Variants in HS3ST4 observed in about 807,000 individuals in gnomAD.
HS3ST4 encodes the protein heparan sulfate-glucosamine 3-sulfotransferase 4.
Under a neutral mutation model 29.2 loss-of-function variants are expected in HS3ST4, and 17 were observed. The observed-to-expected ratio is 0.58, with a 90% CI of 0.40 to 0.87. The LOEUF (loss-of-function observed/expected upper bound fraction) is 0.87. HS3ST4 is among the 40% of genes least tolerant of loss of function. HS3ST4 has a pLI of 0.00. For synonymous variants in HS3ST4, 314 were observed against 285.7 expected (o/e 1.10, Z -1.00); for missense variants, 627 against 634.5 (o/e 0.99, Z 0.13).
intron 1 of HS3ST4, among the ~76,000 whole-genome samples, chr16:25,734,422 G>A (rs770660236): frequency 5.9e-5 from 9 of 152,136 alleles, no homozygotes; most frequent in Non-Finnish European, 1.3e-4. Flanking sequence ...GAGGCATTGC[G>A]TGAATGTGAG....
intron 1 of HS3ST4, among the ~76,000 whole-genome samples, chr16:26,079,526 T>A (rs1898702132): frequency 6.6e-6 from 1 of 152,248 alleles, no homozygotes; most frequent in Non-Finnish European, 1.5e-5. Context: ...TCAGGCACTT[T>A]GTATGCATTA....
intron 1 of HS3ST4, among the ~76,000 whole-genome samples, chr16:25,981,268 C>T (rs1455196902): frequency 1.3e-5 from 2 of 151,538 alleles, no homozygotes; most frequent in African/African-American, 4.9e-5. Flanking sequence ...ACCCAGGAGG[C>T]GGAGGTTGCA....
At chr16:26,017,051 C>T (rs1193980407) in intron 1 of HS3ST4, among the ~76,000 whole-genome samples, 1 of 152,236 alleles carries the variant, frequency 6.6e-6, no homozygotes, top group African/African-American at 2.4e-5. Context: ...ACAGCAGAGC[C>T]TCCTGCCAAC....
chr16:25,957,072 T>G (rs1016627007), intron 1 of HS3ST4, among the ~76,000 whole-genome samples: 1 of 146,688 alleles, frequency 6.8e-6, no homozygotes, highest in African/African-American at 2.5e-5. Context: ...GCTACTACAA[T>G]ATTTCAGTGG....
intron 1 of HS3ST4, among the ~76,000 whole-genome samples, chr16:25,920,633 C>T (rs551936718): frequency 1.5e-4 from 22 of 142,008 alleles, no homozygotes; most frequent in East Asian, 9.4e-4. Context: ...AACAGGATCT[C>T]GCTGTGTCAC....
intron 1 of HS3ST4, among the ~76,000 whole-genome samples, chr16:25,800,749 G>A (rs947880268): frequency 6.6e-6 from 1 of 152,046 alleles, no homozygotes; most frequent in African/African-American, 2.4e-5. Context: ...TTTAGGAGGT[G>A]ATTAAGTGAT....
chr16:26,124,530 A>G (rs192623180), intron 1 of HS3ST4, among the ~76,000 whole-genome samples: 2 of 152,354 alleles, frequency 1.3e-5, no homozygotes, highest in East Asian at 3.9e-4. Context: ...ACGTAGTACA[A>G]GAGAACAATG....
chr16:25,818,818 CT>C (rs980297776), intron 1 of HS3ST4, among the ~76,000 whole-genome samples: 20 of 150,172 alleles, frequency 1.3e-4, no homozygotes, highest in East Asian at 3.9e-4. Flanking sequence ...TTTATTCCCA[CT>C]TTTTTTTTTC....
chr16:25,860,856 A>G (rs1422205437), intron 1 of HS3ST4, among the ~76,000 whole-genome samples: 2 of 152,122 alleles, frequency 1.3e-5, no homozygotes, highest in Admixed American at 6.5e-5. Context: ...ACTCCAATGT[A>G]AACTATGGAC....
intron 1 of HS3ST4, among the ~76,000 whole-genome samples, chr16:26,110,838 T>C (rs1411249670): frequency 6.6e-6 from 1 of 152,082 alleles, no homozygotes; most frequent in African/African-American, 2.4e-5. Context: ...TCTCACGCTC[T>C]CCAGCTACAC....
chr16:25,828,268 C>CT (rs1567249365), intron 1 of HS3ST4, among the ~76,000 whole-genome samples: 1 of 84,882 alleles, frequency 1.2e-5, no homozygotes, highest in African/African-American at 5.1e-5. Context: ...TTCTTTCTTT[C>CT]TTTCTTTCTT....
At chr16:26,078,460 A>AT (rs1391077317) in intron 1 of HS3ST4, among the ~76,000 whole-genome samples, 1 of 152,088 alleles carries the variant, frequency 6.6e-6, no homozygotes, top group Non-Finnish European at 1.5e-5. Context: ...TTTGTGCTTT[A>AT]TTTTTTTAAA....
chr16:25,849,856 G>A (rs959464785), intron 1 of HS3ST4, among the ~76,000 whole-genome samples: 3 of 151,674 alleles, frequency 2.0e-5, no homozygotes, highest in Admixed American at 6.6e-5. Flanking sequence ...ATTCTCCTCT[G>A]TCTCTTATGA....
intron 1 of HS3ST4, among the ~76,000 whole-genome samples, chr16:26,038,681 TG>T (rs1441901079): frequency 1.4e-3 from 211 of 151,840 alleles, no homozygotes; most frequent in African/African-American, 4.9e-3. Context: ...TATGTATGTA[TG>T]TATGTATTTA....
rs1206119834 is a variant in HS3ST4 at position 25,994,073 on chromosome 16, G to A, written c.735-141539G>A. Reference sequence around the variant, plus strand: ...TTAGAAGAACACTTATCCCATCATGGGTAACCATCCCTCATGACCTTATCT... The same window carrying A: ...TTAGAAGAACACTTATCCCATCATGAGTAACCATCCCTCATGACCTTATCT... On this transcript the variant is annotated intron_variant, in intron 1 of 1. Transcript: ENST00000331351. Among the ~76,000 whole-genome samples, 12 of 148,442 alleles carry A rather than the reference G, an allele frequency of 8.1e-5. No homozygotes were observed. In the East Asian group the frequency reaches 1.0e-3, roughly 12 times the overall value.
At chr16:25,868,796 A>T (rs1268201036) in intron 1 of HS3ST4, among the ~76,000 whole-genome samples, 2 of 152,188 alleles carry the variant, frequency 1.3e-5, no homozygotes, top group African/African-American at 4.8e-5. Flanking sequence ...CTCACAGGGA[A>T]AGTGGGGCTG....
intron 1 of HS3ST4, among the ~76,000 whole-genome samples, chr16:25,982,693 G>A (rs1969020678): frequency 6.6e-6 from 1 of 152,056 alleles, no homozygotes. Flanking sequence ...GGTAGGGTAT[G>A]GTGGTGTGTG....
chr16:26,062,025 T>C (rs1898481824), intron 1 of HS3ST4, among the ~76,000 whole-genome samples: 1 of 152,236 alleles, frequency 6.6e-6, no homozygotes, highest in Non-Finnish European at 1.5e-5. Context: ...ATATTCTGGA[T>C]AGGCTACATC....
intron 1 of HS3ST4, among the ~76,000 whole-genome samples, chr16:25,795,368 T>C (rs1966881530): frequency 6.6e-6 from 1 of 152,166 alleles, no homozygotes; most frequent in Non-Finnish European, 1.5e-5. Context: ...TCTTCACCTT[T>C]GTCCAACCCA....
Sources: gnomAD v4.1 joint callset for allele counts (sites outside exome capture counted in the v4.1 genomes callset) on GRCh38, gnomAD v4.1.1 for gene constraint, MANE v1.5 for transcripts, NCBI Gene and HGNC (gene_info 2026-07-23, HGNC 2026-07-21) for gene names.